Variants in CTNND2 observed in about 807,000 individuals in gnomAD.
CTNND2 encodes the protein catenin delta-2.
In CTNND2, 22 loss-of-function variants were observed where a neutral mutation model predicts 144.4. The ratio of observed to expected loss-of-function variants is 0.15; its 90% CI spans 0.11 to 0.22. The LOEUF (loss-of-function observed/expected upper bound fraction) is 0.22. Ranked by LOEUF, CTNND2 falls within the 10% of genes least tolerant of loss-of-function variation. The pLI is 1.00. For synonymous variants in CTNND2, 751 were observed against 695.6 expected, an observed-to-expected ratio of 1.08 and a Z score of -1.25; for missense variants, 1,353 against 1,618.8, an observed-to-expected ratio of 0.84 and a Z score of 2.82.
chr5:11,622,887 A>G (rs916688753), intron 2 of CTNND2, among the ~76,000 whole-genome samples: 2 of 152,162 alleles, frequency 1.3e-5, no homozygotes, highest in African/African-American at 4.8e-5. Flanking sequence ...TTTACCCCTT[A>G]AGCATGTAAG....
intron 2 of CTNND2, among the ~76,000 whole-genome samples, chr5:11,568,000 G>A (rs1777257590): frequency 6.6e-6 from 1 of 152,220 alleles, no homozygotes; most frequent in East Asian, 1.9e-4. Context: ...GATTTGTTAG[G>A]GGGAGCAGAA....
At chr5:11,296,290 C>G (rs917157734) in intron 9 of CTNND2, among the ~76,000 whole-genome samples, 1 of 152,016 alleles carries the variant, frequency 6.6e-6, no homozygotes, top group African/African-American at 2.4e-5. Context: ...GAGATACCAT[C>G]TCACACCAGT....
At chr5:11,041,590 C>T (rs1744703641) in intron 16 of CTNND2, among the ~76,000 whole-genome samples, 1 of 152,090 alleles carries the variant, frequency 6.6e-6, no homozygotes, top group Non-Finnish European at 1.5e-5. Context: ...CAAAAACATT[C>T]ATTGAAGTTG....
At chr5:11,248,553 T>C (rs1054541684) in intron 9 of CTNND2, among the ~76,000 whole-genome samples, 3 of 152,282 alleles carry the variant, frequency 2.0e-5, no homozygotes, top group African/African-American at 7.2e-5. Flanking sequence ...GTATAAACCA[T>C]AGACTAGAGC....
At chr5:11,687,640 C>T (rs1039288461) in intron 2 of CTNND2, among the ~76,000 whole-genome samples, 18 of 152,176 alleles carry the variant, frequency 1.2e-4, no homozygotes, top group Non-Finnish European at 1.5e-5. Context: ...ACTTGGCTCA[C>T]ACACAGATAA....
chr5:11,792,315 AT>A (rs1280117458), intron 1 of CTNND2, among the ~76,000 whole-genome samples: 3 of 151,940 alleles, frequency 2.0e-5, no homozygotes, highest in African/African-American at 7.3e-5. Flanking sequence ...ACACATATAT[AT>A]TTTAAAAACT....
chr5:11,597,462 C>T (rs947037037), intron 2 of CTNND2, among the ~76,000 whole-genome samples: 3 of 152,260 alleles, frequency 2.0e-5, no homozygotes, highest in East Asian at 3.9e-4. Context: ...AAATTTAAGG[C>T]TCATTTAGCT....
At chr5:11,459,942 G>C (rs1230850850) in intron 3 of CTNND2, among the ~76,000 whole-genome samples, 1 of 152,174 alleles carries the variant, frequency 6.6e-6, no homozygotes, top group African/African-American at 2.4e-5. Context: ...AATGCCTCAA[G>C]TAATCTGATT....
chr5:11,487,585 A>G (rs1768950368), intron 3 of CTNND2, among the ~76,000 whole-genome samples: 1 of 152,194 alleles, frequency 6.6e-6, no homozygotes, highest in South Asian at 2.1e-4. Flanking sequence ...GTCAGAGTGC[A>G]CAGTTACATT....
At chr5:11,123,692 CT>C (rs1754368604) in intron 12 of CTNND2, among the ~76,000 whole-genome samples, 1 of 152,260 alleles carries the variant, frequency 6.6e-6, no homozygotes, top group African/African-American at 2.4e-5. Context: ...GGCCCTTCCC[CT>C]ATACTTCGAT....
At chr5:11,483,143 A>G (rs1768446786) in intron 3 of CTNND2, among the ~76,000 whole-genome samples, 1 of 152,162 alleles carries the variant, frequency 6.6e-6, no homozygotes, top group South Asian at 2.1e-4. Flanking sequence ...GGCAGAAGGA[A>G]TTGGCTGAAT....
At chr5:11,050,607 G>C (rs1745730812) in intron 16 of CTNND2, among the ~76,000 whole-genome samples, 2 of 152,164 alleles carry the variant, frequency 1.3e-5, no homozygotes, top group South Asian at 4.1e-4. Flanking sequence ...GTCAGACAAT[G>C]CATAAAAACA....
chr5:11,141,723 G>C (rs560553224), intron 12 of CTNND2, among the ~76,000 whole-genome samples: 8 of 152,350 alleles, frequency 5.3e-5, no homozygotes, highest in African/African-American at 1.9e-4. Context: ...GACAGCCCTT[G>C]AAGGTTCTGC....
intron 2 of CTNND2, among the ~76,000 whole-genome samples, chr5:11,637,707 C>T (rs1426182117): frequency 6.6e-6 from 1 of 152,088 alleles, no homozygotes; most frequent in Non-Finnish European, 1.5e-5. Flanking sequence ...TCAATCTTCT[C>T]AACAAATAAT....
chr5:11,482,483 G>A (rs1250395706), intron 3 of CTNND2, among the ~76,000 whole-genome samples: 1 of 152,108 alleles, frequency 6.6e-6, no homozygotes, highest in Non-Finnish European at 1.5e-5. Flanking sequence ...CTAGGTGCTG[G>A]GAATGAAGTA....
intron 1 of CTNND2, among the ~76,000 whole-genome samples, chr5:11,849,875 G>A (rs1794934023): frequency 6.6e-6 from 1 of 152,152 alleles, no homozygotes; most frequent in South Asian, 2.1e-4. Context: ...TGGCTGAGTA[G>A]GAAAATCACG....
intron 9 of CTNND2, among the ~76,000 whole-genome samples, chr5:11,316,941 G>A (rs1288598908): frequency 6.6e-6 from 1 of 151,870 alleles, no homozygotes; most frequent in Non-Finnish European, 1.5e-5. Context: ...AATAGTGCCA[G>A]AATCTACAAT....
At chr5:11,833,083 T>C (rs1375029399) in intron 1 of CTNND2, among the ~76,000 whole-genome samples, 2 of 152,238 alleles carry the variant, frequency 1.3e-5, no homozygotes, top group African/African-American at 2.4e-5. Context: ...TGTAAGAGTT[T>C]GGTGTTTTTA....
chr5:11,235,033 T>A (rs1038313598), intron 10 of CTNND2, among the ~76,000 whole-genome samples: 8 of 152,178 alleles, frequency 5.3e-5, no homozygotes, highest in Admixed American at 2.6e-4. Flanking sequence ...CTGGAAAGCC[T>A]CACTGTGTAA....
Sources: gnomAD v4.1 joint callset for allele counts (sites outside exome capture counted in the v4.1 genomes callset) on GRCh38, gnomAD v4.1.1 for gene constraint, MANE v1.5 for transcripts, NCBI Gene and HGNC (gene_info 2026-07-23, HGNC 2026-07-21) for gene names.